CSRP1: variants seen among roughly 807,000 people sequenced by gnomAD.
CSRP1 encodes the protein cysteine and glycine-rich protein 1.
Under a neutral mutation model 25.4 loss-of-function variants are expected in CSRP1, and 16 were observed. The observed-to-expected ratio is 0.63, with a 90% CI of 0.43 to 0.96. The LOEUF (loss-of-function observed/expected upper bound fraction) is 0.96. Among genes scored for constraint, CSRP1 ranks in the 40% least tolerant of loss-of-function variants. The pLI, the probability that CSRP1 is intolerant of heterozygous loss-of-function variation, is 0.00. For synonymous variants in CSRP1, 97 were observed against 95.3 expected, an observed-to-expected ratio of 1.02 and a Z score of -0.10; for missense variants, 212 against 243.6, an observed-to-expected ratio of 0.87 and a Z score of 0.86.
Position 201,484,663 on chromosome 1 carries a change from T to C in CSRP1, c.*50A>G. On this transcript the variant is annotated 3_prime_UTR_variant, in exon 6 of 6. Coordinates refer to ENST00000340006, the MANE Select transcript of CSRP1 (RefSeq NM_004078.3). ...GTCTCCAAAGCTGCTGGGAATGGAA[T>C]GGCGATGAAAAGCGCAGGAGTGGGC... 1 of 1,510,744 alleles carries C rather than the reference T, an allele frequency of 6.6e-7. No individual in the cohort carries two copies. Among genetic ancestry groups the C allele is most frequent in the East Asian group, 2.3e-5 (1 of 43,716 alleles). 93.6% of individuals were successfully genotyped at this position (1,510,744 alleles called of 1,614,324 possible). A position where few individuals can be genotyped will look rare whatever the true frequency, so the allele number is the denominator to read the frequency against.
chr1:201,500,747 T>C (rs950286463), intron 1 of CSRP1, among the ~76,000 whole-genome samples: 3 of 152,216 alleles, frequency 2.0e-5, no homozygotes, highest in African/African-American at 7.2e-5. Flanking sequence ...GGGCTCAGTC[T>C]TCACTCCACC....
chr1:201,499,243 T>C (rs1028192180), intron 1 of CSRP1, among the ~76,000 whole-genome samples: 1 of 152,230 alleles, frequency 6.6e-6, no homozygotes, highest in Non-Finnish European at 1.5e-5. Context: ...ATGGTCGGCC[T>C]GATCATCGGC....
intron 5 of CSRP1, 54 bp from the exon 6 acceptor site, chr1:201,484,843 C>T: frequency 1.3e-6 from 2 of 1,487,432 alleles, no homozygotes; most frequent in South Asian, 1.2e-5. Context: ...CCCAGCCACA[C>T]CACCCACCCT....
chr1:201,494,860 ATG>A (rs1664462313), intron 2 of CSRP1, among the ~76,000 whole-genome samples: 2 of 151,812 alleles, frequency 1.3e-5, no homozygotes, highest in Admixed American at 6.6e-5. Flanking sequence ...GTGTGTGCGC[ATG>A]TGTGTGTGCA....
chr1:201,501,473 C>T (rs535619003), intron 1 of CSRP1, among the ~76,000 whole-genome samples: 16 of 152,306 alleles, frequency 1.1e-4, no homozygotes, highest in Admixed American at 7.2e-4. Context: ...TGGCTGGAAA[C>T]ACCTGGTCAG....
chr1:201,491,563 T>C (rs1664339714), intron 2 of CSRP1: 2 of 152,232 alleles, frequency 1.3e-5, no homozygotes, highest in South Asian at 4.1e-4. Flanking sequence ...GCTACTCTTA[T>C]TAGTATTATA....
Position 201,483,740 on chromosome 1 carries a change from G to A in CSRP1, c.*973C>T. ...TGTGATCTAAGGGTCCCTGGAGAAG[G>A]GTGGAGTGGAAGAGGCAGGGTCTTG... On this transcript the variant is annotated 3_prime_UTR_variant, in exon 6 of 6. Transcript: ENST00000340006. The A allele has an allele frequency of 2.4e-6, 1 of 411,084 alleles. No individual in the cohort carries two copies. Among genetic ancestry groups the A allele is most frequent in the Admixed American group, 3.3e-5 (1 of 30,212 alleles). The allele number at this position is 411,084 out of a possible 1,614,324, so 25.5% of individuals were successfully genotyped here. A position where few individuals can be genotyped will look rare whatever the true frequency, so the allele number is the denominator to read the frequency against.
At chr1:201,500,934 A>T (rs957443707) in intron 1 of CSRP1, among the ~76,000 whole-genome samples, 3 of 152,238 alleles carry the variant, frequency 2.0e-5, no homozygotes, top group Non-Finnish European at 2.9e-5. Context: ...CTGGGACAAG[A>T]GAAGTTCCCA....
At position 201,496,192 on chromosome 1, in the gene CSRP1, T is replaced by C. The variant is rs558086595; in HGVS notation, c.112A>G (p.Met38Val). 3.6e-5 allele frequency: 58 copies of C among 1,613,408 alleles called. No homozygotes were observed. In the East Asian group the frequency reaches 6.5e-4, roughly 18 times the overall value. The change falls in exon 2 of 6, where the codon ATG becomes GTG. Residue 38 changes from methionine (M) to valine (V), a missense_variant and splice_region_variant. By Grantham distance (21) the Met-to-Val change is conservative (BLOSUM62 1). Coordinates refer to ENST00000340006, the MANE Select transcript of CSRP1 (RefSeq NM_004078.3). ...NSFHKSCFLC[M>V]VCKKNLDSTT... ...GCAATAGGGCCTGGGGCGTACTCAC[T>C]GCACAGGAAGCAGGATTTATGGAAG...
At chr1:201,505,725 C>T (rs1402902528) in intron 1 of CSRP1, among the ~76,000 whole-genome samples, 1 of 152,226 alleles carries the variant, frequency 6.6e-6, no homozygotes, top group East Asian at 1.9e-4. Context: ...AAAAGCTGCC[C>T]TCCAGCAGCT....
intron 4 of CSRP1, chr1:201,486,564 C>T: frequency 2.0e-6 from 2 of 990,798 alleles, no homozygotes; most frequent in Non-Finnish European, 2.4e-6. Flanking sequence ...TCAATAGTCA[C>T]CCAGCCTTTG....
At chr1:201,494,827 CGTGT>C (rs770766185) in intron 2 of CSRP1, among the ~76,000 whole-genome samples, 6 of 126,778 alleles carry the variant, frequency 4.7e-5, no homozygotes, top group Non-Finnish European at 9.8e-5. Flanking sequence ...CAGCAGTGTG[CGTGT>C]GTGTGTGTGC....
At position 201,500,017 on chromosome 1, in the gene CSRP1, C is replaced by CT. The variant is rs1296666083; in HGVS notation, c.-1-3714dup. On this transcript the variant is annotated intron_variant, in intron 1 of 5. Coordinates refer to ENST00000340006, the MANE Select transcript of CSRP1 (RefSeq NM_004078.3). ...AGGCTCAGAGCGGTTAGGCAAGTTG[C>CT]TTATAGTCACACAGCTGGAAGAGAT... 3.9e-5 allele frequency among the ~76,000 whole-genome samples: 6 copies of CT among 152,186 alleles called. 1 individual carries two copies. The highest frequency in any genetic ancestry group is 2.0e-4 in the Admixed American group (3 of 15,278).
At chr1:201,495,519 C>T (rs927902908) in intron 2 of CSRP1, 1 of 152,284 alleles carries the variant, frequency 6.6e-6, no homozygotes, top group Admixed American at 6.5e-5. Flanking sequence ...TCACCTGGCC[C>T]AGGTACCAGT....
At position 201,484,163 on chromosome 1, in the gene CSRP1, CCTGCAT is replaced by C; in HGVS notation, c.*544_*549del. The C allele has an allele frequency of 1.3e-5, 8 of 608,786 alleles. No homozygotes were observed. Among genetic ancestry groups the C allele is most frequent in the Non-Finnish European group, 2.1e-5 (7 of 328,886 alleles). 37.7% of individuals were successfully genotyped at this position (608,786 alleles called of 1,614,324 possible). A position where few individuals can be genotyped will look rare whatever the true frequency, so the allele number is the denominator to read the frequency against. On this transcript the variant is annotated 3_prime_UTR_variant, in exon 6 of 6. Coordinates refer to ENST00000340006, the MANE Select transcript of CSRP1 (RefSeq NM_004078.3). ...AGAAGCAGGGGCTCCTAGGACCCTG[CCTGCAT>C]GCCTCTCTGCCTCCAATAGTGACTC...
intron 4 of CSRP1, 167 bp from the exon 5 acceptor site, chr1:201,485,543 G>C: frequency 6.5e-6 from 4 of 617,214 alleles, no homozygotes; most frequent in Admixed American, 5.3e-5. Context: ...AGGCAGTAGA[G>C]GGAGAAGGCC....
At chr1:201,492,826 G>A (rs1254227425) in intron 2 of CSRP1, 1 of 152,362 alleles carries the variant, frequency 6.6e-6, no homozygotes. Context: ...CTCCCCTCCA[G>A]TGGGCCACAC....
rs187699762 is a variant in CSRP1 at position 201,486,220 on chromosome 1, G to A, written c.412-844C>T. 95 of 361,702 alleles carry A rather than the reference G, an allele frequency of 2.6e-4. 1 individual carries two copies. Among genetic ancestry groups the A allele is most frequent in the African/African-American group, 1.5e-3 (69 of 45,256 alleles). 22.4% of individuals were successfully genotyped at this position (361,702 alleles called of 1,614,324 possible). On this transcript the variant is annotated intron_variant, in intron 4 of 5. Coordinates refer to ENST00000340006, the MANE Select transcript of CSRP1 (RefSeq NM_004078.3). ...ATTCTGTAACACAGGGCAAACAGCT[G>A]TCCCAGAAAAAAAGTGAGGCCCGAG...
intron 5 of CSRP1, 66 bp from the exon 6 acceptor site, chr1:201,484,855 C>CT (rs1664081914): frequency 7.0e-7 from 1 of 1,418,510 alleles, no homozygotes; most frequent in Admixed American, 2.0e-5. Flanking sequence ...ACCCACCCTC[C>CT]TGCTGAAGAT....
Sources: gnomAD v4.1 joint callset for allele counts (sites outside exome capture counted in the v4.1 genomes callset) on GRCh38, gnomAD v4.1.1 for gene constraint, MANE v1.5 for transcripts, NCBI Gene and HGNC (gene_info 2026-07-23, HGNC 2026-07-21) for gene names.